The following FRMD4B variants were observed in gnomAD, a reference collection of about 807,000 sequenced individuals.
FRMD4B encodes FERM domain containing 4B, also known as FERM domain-containing protein 4B.
FRMD4B carries 74 observed loss-of-function variants against 141.5 expected under a neutral mutation model. The ratio of observed to expected loss-of-function variants is 0.52; its 90% CI spans 0.43 to 0.63. FRMD4B has a LOEUF of 0.63. FRMD4B is among the 30% of genes least tolerant of loss of function. The pLI is 0.00. For synonymous variants in FRMD4B, 506 were observed against 467.9 expected, an observed-to-expected ratio of 1.08 and a Z score of -1.05; for missense variants, 1,366 against 1,253.4, an observed-to-expected ratio of 1.09 and a Z score of -1.36.
At chr3:69,364,224 G>A (rs1703569191) in intron 1 of FRMD4B, among the ~76,000 whole-genome samples, 1 of 152,232 alleles carries the variant, frequency 6.6e-6, no homozygotes, top group Admixed American at 6.5e-5. Context: ...CTCAGTTACT[G>A]CCTTGATGAT....
Position 69,509,247 on chromosome 3 carries a change from C to T in FRMD4B, c.-129+32959G>A, listed in dbSNP as rs960740282. Among the ~76,000 whole-genome samples the T allele has an allele frequency of 1.1e-4, 17 of 152,306 alleles. No individual in the cohort carries two copies. In the East Asian group the frequency reaches 1.5e-3, roughly 14 times the overall value. ...GACCATTTTATTACCTCCCCTGGAA[C>T]GGAAGCGATCGCTTGCAGTGCCATC... is the stretch of plus-strand genomic sequence containing the variant. On this transcript the variant is annotated intron_variant, in intron 1 of 5. Coordinates refer to the FRMD4B transcript ENST00000459638.
At chr3:69,455,545 G>A (rs1055795894) in intron 1 of FRMD4B, among the ~76,000 whole-genome samples, 1 of 152,132 alleles carries the variant, frequency 6.6e-6, no homozygotes, top group African/African-American at 2.4e-5. Context: ...CCGGTAAGAA[G>A]GAAGAAACTA....
intron 5 of FRMD4B, among the ~76,000 whole-genome samples, chr3:69,268,583 T>C (rs1016187551): frequency 6.6e-6 from 1 of 152,018 alleles, no homozygotes; most frequent in Non-Finnish European, 1.5e-5. Flanking sequence ...GATGCAAAAC[T>C]ATTTTTTCTC....
At chr3:69,536,210 T>C in intron 1 of FRMD4B, 3 of 591,964 alleles carry the variant, frequency 5.1e-6, no homozygotes, top group Non-Finnish European at 6.3e-6. Context: ...AGGATCCTCC[T>C]TGGCCTCACT....
intron 7 of FRMD4B, among the ~76,000 whole-genome samples, chr3:69,230,716 C>G (rs1415766587): frequency 6.6e-6 from 1 of 151,834 alleles, no homozygotes; most frequent in Admixed American, 6.6e-5. Flanking sequence ...TCATCGCACC[C>G]CAGCCTGGAC....
chr3:69,498,096 G>C (rs549661212), intron 1 of FRMD4B, among the ~76,000 whole-genome samples: 13 of 152,296 alleles, frequency 8.5e-5, no homozygotes, highest in African/African-American at 3.1e-4. Flanking sequence ...GGAATATATT[G>C]AGAAGTGGGA....
At chr3:69,194,274 T>C (rs901879531) in intron 16 of FRMD4B, among the ~76,000 whole-genome samples, 2 of 152,250 alleles carry the variant, frequency 1.3e-5, no homozygotes. Flanking sequence ...GATACACAGC[T>C]TCATCTTTCA....
At chr3:69,224,843 C>A (rs1159435487) in intron 7 of FRMD4B, among the ~76,000 whole-genome samples, 153 bp from the exon 8 acceptor site, 1 of 152,172 alleles carries the variant, frequency 6.6e-6, no homozygotes, top group African/African-American at 2.4e-5. Flanking sequence ...AAGCAGCCCC[C>A]AAATTTAACA....
chr3:69,233,500 G>C (rs1391787981), intron 7 of FRMD4B, among the ~76,000 whole-genome samples: 3 of 147,872 alleles, frequency 2.0e-5, no homozygotes, highest in Admixed American at 1.4e-4. Context: ...AAAAAAAAAA[G>C]ATTAACTTGG....
intron 1 of FRMD4B, among the ~76,000 whole-genome samples, chr3:69,483,045 G>A (rs1706156808): frequency 6.6e-6 from 1 of 152,130 alleles, no homozygotes; most frequent in Non-Finnish European, 1.5e-5. Flanking sequence ...AGGAATATCG[G>A]TCTTCCTTTG....
At chr3:69,186,582 C>T (rs999513171) in intron 19 of FRMD4B, among the ~76,000 whole-genome samples, 7 of 152,120 alleles carry the variant, frequency 4.6e-5, no homozygotes, top group African/African-American at 1.4e-4. Context: ...CATGATGGCG[C>T]GTGCCTGTAA....
At chr3:69,431,994 G>C (rs892721696) in intron 2 of FRMD4B, among the ~76,000 whole-genome samples, 6 of 152,136 alleles carry the variant, frequency 3.9e-5, no homozygotes, top group African/African-American at 1.4e-4. Context: ...CTACATGCCT[G>C]GCAGTTTGGT....
At chr3:69,187,191 A>C (rs1275545988) in intron 19 of FRMD4B, among the ~76,000 whole-genome samples, 1 of 152,138 alleles carries the variant, frequency 6.6e-6, no homozygotes, top group African/African-American at 2.4e-5. Context: ...CTATAAGTTA[A>C]TATAGATCAA....
At chr3:69,454,237 T>C (rs1003852282) in intron 1 of FRMD4B, among the ~76,000 whole-genome samples, 1 of 152,212 alleles carries the variant, frequency 6.6e-6, no homozygotes, top group African/African-American at 2.4e-5. Context: ...TCCCTGACTT[T>C]ACCCAACTAA....
rs1283975118 is a variant in FRMD4B at position 69,348,525 on chromosome 3, C to T, written c.163-35008G>A. Among the ~76,000 whole-genome samples the T allele has an allele frequency of 2.0e-5, 3 of 152,028 alleles. No individual in the cohort carries two copies. The East Asian group carries it at 5.8e-4, about 29-fold the overall frequency. ...CTGATACCAAAGGCTGGCAGAGACACAACAAAAAAAGAGAATTTTAGACCA... is the reference window on the plus strand; with the variant it reads ...CTGATACCAAAGGCTGGCAGAGACATAACAAAAAAAGAGAATTTTAGACCA... On this transcript the variant is annotated intron_variant, in intron 1 of 22. Coordinates refer to ENST00000398540, the MANE Select transcript of FRMD4B (RefSeq NM_015123.3).
chr3:69,431,099 T>C (rs1705171379), intron 2 of FRMD4B, among the ~76,000 whole-genome samples: 1 of 151,986 alleles, frequency 6.6e-6, no homozygotes, highest in African/African-American at 2.4e-5. Flanking sequence ...TTAGAGGGAA[T>C]CAAAGAAGGC....
intron 8 of FRMD4B, among the ~76,000 whole-genome samples, chr3:69,222,268 C>G (rs540119203): frequency 1.3e-5 from 2 of 151,774 alleles, no homozygotes; most frequent in Non-Finnish European, 1.5e-5. Flanking sequence ...GAGATTGAGA[C>G]CATTCTGGCT....
At chr3:69,463,224 G>C (rs746428048) in intron 1 of FRMD4B, among the ~76,000 whole-genome samples, 1 of 152,178 alleles carries the variant, frequency 6.6e-6, no homozygotes, top group African/African-American at 2.4e-5. Flanking sequence ...CCACTGTTCT[G>C]ATTTATTTCA....
chr3:69,453,239 G>A (rs942846868), intron 1 of FRMD4B, among the ~76,000 whole-genome samples: 1 of 152,196 alleles, frequency 6.6e-6, no homozygotes, highest in African/African-American at 2.4e-5. Flanking sequence ...TATGTACAGT[G>A]CCTTGTGTTG....
Sources: allele counts gnomAD v4.1 joint callset (sites outside exome capture counted in the v4.1 genomes callset), GRCh38; gene constraint gnomAD v4.1.1; transcripts MANE v1.5; gene names NCBI Gene and HGNC (gene_info 2026-07-23, HGNC 2026-07-21).